SPAG16: variants seen among roughly 807,000 people sequenced by gnomAD.
The protein encoded by SPAG16 is sperm-associated antigen 16 protein.
A neutral mutation model predicts 80.4 loss-of-function variants in SPAG16; 86 were observed. The ratio of observed to expected loss-of-function variants is 1.07; its 90% CI spans 0.90 to 1.28. The LOEUF (loss-of-function observed/expected upper bound fraction) is 1.28. Among genes scored for constraint, SPAG16 ranks in the 50% most tolerant of loss-of-function variants. The pLI is 0.00. For missense variants in SPAG16, 870 were observed against 765.3 expected (o/e 1.14, Z -1.61); for synonymous variants, 294 against 265.9 (o/e 1.11, Z -1.03).
At chr2:213,544,751 G>A (rs1379962620) in intron 10 of SPAG16, among the ~76,000 whole-genome samples, 2 of 152,000 alleles carry the variant, frequency 1.3e-5, no homozygotes, top group African/African-American at 4.8e-5. Flanking sequence ...TTTCTAACAT[G>A]TCATGTAGCT....
intron 4 of SPAG16, 98 bp from the exon 5 acceptor site, chr2:213,317,121 A>G (rs762531413): frequency 4.5e-5 from 30 of 662,452 alleles, no homozygotes; most frequent in East Asian, 3.8e-4. Flanking sequence ...ACTAATTACT[A>G]TAACACTCCC....
At chr2:213,784,782 C>T (rs539627411) in intron 10 of SPAG16, among the ~76,000 whole-genome samples, 3 of 151,948 alleles carry the variant, frequency 2.0e-5, no homozygotes, top group African/African-American at 7.3e-5. Context: ...ACTTGTGCAA[C>T]TCTTGAACAA....
intron 1 of SPAG16, among the ~76,000 whole-genome samples, chr2:213,295,326 A>C (rs2062454650): frequency 6.6e-6 from 1 of 152,136 alleles, no homozygotes; most frequent in African/African-American, 2.4e-5. Context: ...ATATGTAATT[A>C]GAGTAACTTA....
intron 9 of SPAG16, among the ~76,000 whole-genome samples, chr2:213,411,764 A>G (rs1039024921): frequency 3.3e-5 from 5 of 152,200 alleles, no homozygotes; most frequent in African/African-American, 9.7e-5. Context: ...GTGCTGTGTC[A>G]TACCATACAT....
intron 15 of SPAG16, among the ~76,000 whole-genome samples, chr2:214,252,222 C>G (rs557733872): frequency 3.3e-5 from 5 of 152,088 alleles, no homozygotes; most frequent in African/African-American, 1.2e-4. Context: ...CTTGCAAAAC[C>G]TAATATGTTG....
chr2:213,719,066 A>T (rs1404257959), intron 10 of SPAG16, among the ~76,000 whole-genome samples: 1 of 152,020 alleles, frequency 6.6e-6, no homozygotes, highest in Non-Finnish European at 1.5e-5. Context: ...GACACTCGGT[A>T]TCTAGCTGCT....
intron 15 of SPAG16, among the ~76,000 whole-genome samples, chr2:214,345,868 T>C (rs1461837321): frequency 6.6e-6 from 1 of 152,328 alleles, no homozygotes; most frequent in East Asian, 1.9e-4. Context: ...GAGAGATTCA[T>C]CATGTTTTCA....
chr2:213,608,136 G>A (rs1228362146), intron 10 of SPAG16, among the ~76,000 whole-genome samples: 1 of 151,966 alleles, frequency 6.6e-6, no homozygotes, highest in Non-Finnish European at 1.5e-5. Flanking sequence ...CAGGGAGGTG[G>A]TGTTCACAAC....
chr2:214,316,851 T>TAATA (rs1207778753), intron 15 of SPAG16, among the ~76,000 whole-genome samples: 2 of 152,196 alleles, frequency 1.3e-5, no homozygotes, highest in Non-Finnish European at 2.9e-5. Flanking sequence ...ACGGATTCTA[T>TAATA]AATACTTCTA....
At chr2:213,387,968 A>G (rs1216704976) in intron 9 of SPAG16, among the ~76,000 whole-genome samples, 2 of 152,162 alleles carry the variant, frequency 1.3e-5, no homozygotes, top group African/African-American at 4.8e-5. Flanking sequence ...CTCCTCATCT[A>G]GATAACAATG....
chr2:214,133,418 G>T (rs1165531724), intron 14 of SPAG16, among the ~76,000 whole-genome samples: 1 of 152,114 alleles, frequency 6.6e-6, no homozygotes, highest in Non-Finnish European at 1.5e-5. Flanking sequence ...GTGCACTTTG[G>T]GAGGTCGAGG....
intron 10 of SPAG16, among the ~76,000 whole-genome samples, chr2:213,764,739 A>C (rs914058177): frequency 4.9e-4 from 74 of 152,284 alleles, no homozygotes; most frequent in African/African-American, 1.7e-3. Context: ...TATGGAAAAG[A>C]TTATGAAACT....
At chr2:213,305,327 C>T (rs2062897173) in intron 3 of SPAG16, among the ~76,000 whole-genome samples, 2 of 152,084 alleles carry the variant, frequency 1.3e-5, no homozygotes, top group Admixed American at 6.6e-5. Context: ...TTCTTCCTTT[C>T]TGATTTGGAT....
chr2:214,310,791 G>A (rs749144531), intron 15 of SPAG16, among the ~76,000 whole-genome samples: 4 of 152,194 alleles, frequency 2.6e-5, no homozygotes, highest in Admixed American at 6.5e-5. Flanking sequence ...TGTGAGAAAT[G>A]CCTGTCTGGT....
chr2:214,291,527 G>A (rs991866444), intron 15 of SPAG16, among the ~76,000 whole-genome samples: 4 of 151,438 alleles, frequency 2.6e-5, no homozygotes, highest in Admixed American at 6.6e-5. Context: ...GGATGGTCTC[G>A]ATCTCCTGAC....
chr2:213,691,230 C>T (rs1284515048), intron 10 of SPAG16, among the ~76,000 whole-genome samples: 1 of 152,158 alleles, frequency 6.6e-6, no homozygotes, highest in African/African-American at 2.4e-5. Flanking sequence ...CTTGTGTAAC[C>T]CTTTCCTCTT....
intron 10 of SPAG16, among the ~76,000 whole-genome samples, chr2:213,829,160 T>C (rs1467225541): frequency 6.6e-6 from 1 of 152,170 alleles, no homozygotes; most frequent in Admixed American, 6.5e-5. Context: ...AGAGTTGCTG[T>C]CTGGGAGCCA....
intron 11 of SPAG16, among the ~76,000 whole-genome samples, chr2:213,883,412 C>T (rs1359941119): frequency 6.6e-6 from 1 of 152,016 alleles, no homozygotes; most frequent in Non-Finnish European, 1.5e-5. Context: ...TTAATTGAGA[C>T]TTGCTTCATG....
chr2:214,207,187 A>T (rs140507277), intron 15 of SPAG16, among the ~76,000 whole-genome samples: 1 of 152,272 alleles, frequency 6.6e-6, no homozygotes, highest in Non-Finnish European at 1.5e-5. Flanking sequence ...CCATTCTTCT[A>T]TTCCTGCTTG....
Sources: allele counts gnomAD v4.1 joint callset (sites outside exome capture counted in the v4.1 genomes callset), GRCh38; gene constraint gnomAD v4.1.1; transcripts MANE v1.5; gene names NCBI Gene and HGNC (gene_info 2026-07-23, HGNC 2026-07-21).